Variants in COL25A1 observed in about 807,000 individuals in gnomAD.
The protein encoded by COL25A1 is collagen type XXV alpha 1 chain.
Under a neutral mutation model 128.4 loss-of-function variants are expected in COL25A1, and 103 were observed. That is an observed-to-expected ratio of 0.80 (90% CI 0.68 to 0.94). COL25A1 has a LOEUF of 0.94. Among genes scored for constraint, COL25A1 ranks in the 40% least tolerant of loss-of-function variants. The pLI, the probability that COL25A1 is intolerant of heterozygous loss-of-function variation, is 0.00. For missense variants in COL25A1, 745 were observed against 840.0 expected (o/e 0.89, Z 1.40); for synonymous variants, 279 against 277.2 (o/e 1.01, Z -0.06).
intron 10 of COL25A1, among the ~76,000 whole-genome samples, chr4:108,939,900 T>C (rs1747880989): frequency 6.6e-6 from 1 of 152,142 alleles, no homozygotes; most frequent in Non-Finnish European, 1.5e-5. Flanking sequence ...TAGCCAAGTA[T>C]TGAGATTACT....
At chr4:109,244,284 CTTTCCAA>C (rs1486145451) in intron 3 of COL25A1, among the ~76,000 whole-genome samples, 1 of 151,974 alleles carries the variant, frequency 6.6e-6, no homozygotes, top group East Asian at 1.9e-4. Flanking sequence ...TCTTTTTCCA[CTTTCCAA>C]TATTTTAGTA....
At chr4:108,966,881 A>G (rs1751358452) in intron 8 of COL25A1, among the ~76,000 whole-genome samples, 1 of 151,746 alleles carries the variant, frequency 6.6e-6, no homozygotes, top group Non-Finnish European at 1.5e-5. Context: ...AAAGAAAAAA[A>G]GAAAAGGAAG....
intron 3 of COL25A1, among the ~76,000 whole-genome samples, chr4:109,254,519 A>G (rs1780952525): frequency 3.3e-5 from 4 of 119,610 alleles, no homozygotes; most frequent in Non-Finnish European, 5.2e-5. Flanking sequence ...ATGTGTGTAT[A>G]TACATATACA....
intron 3 of COL25A1, among the ~76,000 whole-genome samples, chr4:109,234,984 G>C (rs1195465014): frequency 6.6e-6 from 1 of 151,852 alleles, no homozygotes; most frequent in African/African-American, 2.4e-5. Flanking sequence ...CTGAGAAACA[G>C]ATAAATAAAG....
At chr4:108,828,681 A>C (rs184107255) in intron 32 of COL25A1, among the ~76,000 whole-genome samples, 1 of 152,184 alleles carries the variant, frequency 6.6e-6, no homozygotes, top group Admixed American at 6.5e-5. Context: ...GCCATCTCCA[A>C]ATTGAAGTGT....
At chr4:108,958,041 T>C (rs569442239) in intron 8 of COL25A1, among the ~76,000 whole-genome samples, 8 of 152,320 alleles carry the variant, frequency 5.3e-5, no homozygotes, top group South Asian at 2.1e-4. Flanking sequence ...ATTCTATTTA[T>C]GTTGTCTTTT....
At chr4:109,149,880 G>A (rs1771301587) in intron 3 of COL25A1, among the ~76,000 whole-genome samples, 1 of 152,046 alleles carries the variant, frequency 6.6e-6, no homozygotes, top group African/African-American at 2.4e-5. Context: ...GCCATTTCTA[G>A]GTTCACACCT....
intron 31 of COL25A1, 38 bp downstream of exon 31, chr4:108,841,657 A>G: frequency 6.4e-7 from 1 of 1,562,738 alleles, no homozygotes; most frequent in Non-Finnish European, 8.8e-7. Context: ...ATTATCAAGG[A>G]AGCAGAAATC....
chr4:108,939,869 T>C (rs1219810512), intron 10 of COL25A1, among the ~76,000 whole-genome samples: 1 of 152,320 alleles, frequency 6.6e-6, no homozygotes, highest in South Asian at 2.1e-4. Context: ...TACTATATCA[T>C]TGACACTTGA....
At chr4:109,004,579 G>T (rs1399590921) in intron 6 of COL25A1, among the ~76,000 whole-genome samples, 1 of 152,004 alleles carries the variant, frequency 6.6e-6, no homozygotes, top group African/African-American at 2.4e-5. Context: ...TCATGGGGGT[G>T]GATTTCTCAT....
chr4:108,858,651 A>G (rs765019199), intron 24 of COL25A1, among the ~76,000 whole-genome samples: 62 of 152,152 alleles, frequency 4.1e-4, no homozygotes, highest in Non-Finnish European at 6.9e-4. Context: ...AGCTGGGGGC[A>G]TACACAGATT....
chr4:109,248,639 C>A (rs1560927710), intron 3 of COL25A1, among the ~76,000 whole-genome samples: 1 of 152,260 alleles, frequency 6.6e-6, no homozygotes, highest in East Asian at 1.9e-4. Context: ...AGCCAAAGCA[C>A]TAGTACTTCG....
intron 11 of COL25A1, among the ~76,000 whole-genome samples, chr4:108,927,973 C>G (rs997756343): frequency 9.2e-5 from 14 of 152,226 alleles, no homozygotes; most frequent in Non-Finnish European, 1.9e-4. Context: ...TACCTCTTGC[C>G]AGATATCCAC....
chr4:108,988,590 C>T (rs1450656829), intron 6 of COL25A1, among the ~76,000 whole-genome samples: 1 of 152,206 alleles, frequency 6.6e-6, no homozygotes, highest in Admixed American at 6.5e-5. Context: ...CAAACACAGG[C>T]ATACATTTTT....
chr4:109,013,471 C>A (rs112313132), intron 5 of COL25A1, among the ~76,000 whole-genome samples: 45,761 of 127,162 alleles, frequency 0.36, 7,492 homozygotes, highest in East Asian at 0.6. Context: ...CAGCAACTTG[C>A]TCGAGTCCCC....
intron 26 of COL25A1, among the ~76,000 whole-genome samples, chr4:108,850,154 AG>A (rs1283417963): frequency 1.3e-5 from 2 of 152,214 alleles, no homozygotes; most frequent in Non-Finnish European, 2.9e-5. Flanking sequence ...AGTGTTTAAA[AG>A]GAAAACATAA....
chr4:109,197,509 AATATTT>A (rs1776219769), intron 3 of COL25A1, among the ~76,000 whole-genome samples: 1 of 130,930 alleles, frequency 7.6e-6, no homozygotes, highest in Non-Finnish European at 1.6e-5. Context: ...TATATTATAT[AATATTT>A]ATATATAATA....
chr4:109,036,520 T>C, intron 5 of COL25A1, among the ~76,000 whole-genome samples: 1 of 152,076 alleles, frequency 6.6e-6, no homozygotes, highest in Non-Finnish European at 1.5e-5. Flanking sequence ...ATATGCAAAG[T>C]AGAGGGTTGG....
intron 19 of COL25A1, among the ~76,000 whole-genome samples, chr4:108,871,638 T>C (rs13144630): frequency 3.3e-5 from 5 of 152,018 alleles, no homozygotes; most frequent in African/African-American, 1.2e-4. Flanking sequence ...TTTAAAGGCT[T>C]TGAGCATGAT....
Sources: allele counts gnomAD v4.1 joint callset (sites outside exome capture counted in the v4.1 genomes callset), GRCh38; gene constraint gnomAD v4.1.1; transcripts MANE v1.5; gene names NCBI Gene and HGNC (gene_info 2026-07-23, HGNC 2026-07-21).